Variants in CA10 observed in about 807,000 individuals in gnomAD.
CA10 encodes carbonic anhydrase-related protein 10.
In CA10, 14 loss-of-function variants were observed where a neutral mutation model predicts 44.2. That is an observed-to-expected ratio of 0.32 (90% CI 0.21 to 0.50). CA10 has a LOEUF of 0.50. CA10 is among the 20% of genes least tolerant of loss of function. CA10 has a pLI of 0.99. For missense variants in CA10, 350 were observed against 409.7 expected, an observed-to-expected ratio of 0.85 and a Z score of 1.26; for synonymous variants, 159 against 141.6, an observed-to-expected ratio of 1.12 and a Z score of -0.87.
chr17:51,842,200 A>G (rs971928625), intron 3 of CA10, among the ~76,000 whole-genome samples: 12 of 152,240 alleles, frequency 7.9e-5, no homozygotes, highest in African/African-American at 2.7e-4. Context: ...TTAAGTATAT[A>G]GCCAACAGGG....
intron 2 of CA10, among the ~76,000 whole-genome samples, chr17:51,983,301 T>C (rs1376482976): frequency 1.3e-5 from 2 of 151,830 alleles, no homozygotes; most frequent in Non-Finnish European, 2.9e-5. Context: ...GTTTCTGTCA[T>C]CATGAATAAC....
chr17:52,088,137 C>G (rs1022962869), intron 1 of CA10, among the ~76,000 whole-genome samples: 2 of 152,030 alleles, frequency 1.3e-5, no homozygotes, highest in Non-Finnish European at 2.9e-5. Flanking sequence ...TCTAGGCTTA[C>G]CACCTGGGTG....
intron 1 of CA10, among the ~76,000 whole-genome samples, chr17:52,092,585 C>T (rs73987412): frequency 0.09 from 13,711 of 152,148 alleles, 822 homozygotes; most frequent in African/African-American, 0.17. Flanking sequence ...GCCTAAGATG[C>T]AAACTGACCT....
Position 51,705,543 on chromosome 17 carries a change from T to G in CA10, c.465+42090A>C, listed in dbSNP as rs139690845. Among the ~76,000 whole-genome samples, 33 of 152,042 alleles carry G rather than the reference T, an allele frequency of 2.2e-4. No individual in the cohort carries two copies. The East Asian group carries it at 6.4e-3, about 30-fold the overall frequency. On this transcript the variant is annotated intron_variant, in intron 4 of 8. Coordinates refer to ENST00000451037, the MANE Select transcript of CA10 (RefSeq NM_020178.5). ...GAACAAACATGGAGAATATGGTGAG[T>G]GCCCTAGGCTGACAAATATAAATTC...
chr17:52,099,933 G>C (rs905501662), intron 1 of CA10, among the ~76,000 whole-genome samples: 4 of 152,210 alleles, frequency 2.6e-5, no homozygotes, highest in Non-Finnish European at 4.4e-5. Context: ...GCAATACATA[G>C]ATCAGTGGTG....
intron 4 of CA10, among the ~76,000 whole-genome samples, chr17:51,737,769 C>A (rs1222401378): frequency 1.3e-5 from 2 of 152,138 alleles, no homozygotes; most frequent in Non-Finnish European, 2.9e-5. Flanking sequence ...TTCCCTACAG[C>A]CCCCCTTCCA....
intron 3 of CA10, among the ~76,000 whole-genome samples, chr17:51,831,675 G>GCAGCAGCAGCAGCAGCATCAGCAT (rs1908252934): frequency 2.3e-5 from 1 of 43,264 alleles, no homozygotes; most frequent in African/African-American, 8.3e-5. Context: ...AAAAGCAGCA[G>GCAGCAGCAGCAGCAGCATCAGCAT]CAGCAGCAGC....
At chr17:51,824,134 T>A (rs1482273796) in intron 3 of CA10, among the ~76,000 whole-genome samples, 1 of 152,242 alleles carries the variant, frequency 6.6e-6, no homozygotes, top group Admixed American at 6.5e-5. Context: ...AGGTGCTCAA[T>A]AAATATTTGT....
chr17:52,048,693 C>G (rs553550075), intron 2 of CA10, among the ~76,000 whole-genome samples: 3 of 151,996 alleles, frequency 2.0e-5, no homozygotes, highest in Non-Finnish European at 4.4e-5. Context: ...AGAGGCATGA[C>G]AAAGCTGCTG....
chr17:51,655,457 GT>G (rs1296782523), intron 4 of CA10, among the ~76,000 whole-genome samples: 6 of 152,192 alleles, frequency 3.9e-5, no homozygotes, highest in Non-Finnish European at 8.8e-5. Flanking sequence ...AGTTTTAGAA[GT>G]TGAGAAATGT....
chr17:51,742,372 A>G (rs1598021412), intron 4 of CA10, among the ~76,000 whole-genome samples: 1 of 152,286 alleles, frequency 6.6e-6, no homozygotes, highest in East Asian at 1.9e-4. Context: ...TGCTAATTAC[A>G]TTGCCTGAGC....
At chr17:51,733,559 T>C (rs892677212) in intron 4 of CA10, among the ~76,000 whole-genome samples, 1 of 152,134 alleles carries the variant, frequency 6.6e-6, no homozygotes, top group African/African-American at 2.4e-5. Flanking sequence ...ATAATGTAAA[T>C]CAAGCTAAAT....
intron 4 of CA10, among the ~76,000 whole-genome samples, chr17:51,707,108 C>T (rs1047111227): frequency 6.6e-6 from 1 of 152,240 alleles, no homozygotes; most frequent in African/African-American, 2.4e-5. Context: ...TGTTGTTCCT[C>T]GGTGCCTAGA....
At chr17:51,670,195 C>T (rs1914364973) in intron 4 of CA10, among the ~76,000 whole-genome samples, 1 of 152,176 alleles carries the variant, frequency 6.6e-6, no homozygotes, top group East Asian at 1.9e-4. Context: ...TGGACCCTTG[C>T]CTGACCTTCA....
At chr17:51,858,498 T>C (rs1191906622) in intron 3 of CA10, among the ~76,000 whole-genome samples, 1 of 152,182 alleles carries the variant, frequency 6.6e-6, no homozygotes, top group African/African-American at 2.4e-5. Context: ...CTGAAAATGT[T>C]AGTCATTTCA....
chr17:51,740,182 C>G (rs1159831167), intron 4 of CA10, among the ~76,000 whole-genome samples: 1 of 152,128 alleles, frequency 6.6e-6, no homozygotes, highest in Non-Finnish European at 1.5e-5. Context: ...AATCTCTACT[C>G]AGCAATACGT....
At chr17:51,682,521 C>A (rs767781214) in intron 4 of CA10, among the ~76,000 whole-genome samples, 2 of 152,156 alleles carry the variant, frequency 1.3e-5, no homozygotes, top group Non-Finnish European at 2.9e-5. Context: ...GGGCTAGATA[C>A]TCCTGCTCCC....
At chr17:51,864,542 T>A (rs886127718) in intron 3 of CA10, among the ~76,000 whole-genome samples, 5 of 152,216 alleles carry the variant, frequency 3.3e-5, no homozygotes, top group Non-Finnish European at 7.3e-5. Flanking sequence ...CATTTCTTAC[T>A]ACTGTGAAAC....
intron 4 of CA10, among the ~76,000 whole-genome samples, chr17:51,697,189 T>C (rs936961595): frequency 6.6e-6 from 1 of 152,178 alleles, no homozygotes; most frequent in Non-Finnish European, 1.5e-5. Context: ...ACCTTTGCCT[T>C]CCTATCAGTA....
Sources: gnomAD v4.1 joint callset for allele counts (sites outside exome capture counted in the v4.1 genomes callset) on GRCh38, gnomAD v4.1.1 for gene constraint, MANE v1.5 for transcripts, NCBI Gene and HGNC (gene_info 2026-07-23, HGNC 2026-07-21) for gene names.